SCFD2: variants seen among roughly 807,000 people sequenced by gnomAD.
SCFD2 encodes the protein sec1 family domain containing 2.
A neutral mutation model predicts 58.9 loss-of-function variants in SCFD2; 54 were observed. That is an observed-to-expected ratio of 0.92 (90% CI 0.74 to 1.15). The LOEUF (loss-of-function observed/expected upper bound fraction) is 1.15. Ranked by LOEUF, SCFD2 falls within the 50% of genes most tolerant of loss-of-function variation. The pLI is 0.00. For missense variants in SCFD2, 805 were observed against 836.6 expected (o/e 0.96, Z 0.47); for synonymous variants, 321 against 335.9 (o/e 0.96, Z 0.49).
intron 4 of SCFD2, among the ~76,000 whole-genome samples, chr4:53,253,892 TAA>T (rs546125555): frequency 1.0e-4 from 11 of 109,818 alleles, no homozygotes; most frequent in East Asian, 2.4e-4. Context: ...AGTATAATTA[TAA>T]AAAAAAAAAA....
chr4:53,053,684 A>G (rs1424203244), intron 5 of SCFD2, among the ~76,000 whole-genome samples: 1 of 152,130 alleles, frequency 6.6e-6, no homozygotes, highest in South Asian at 2.1e-4. Context: ...CTCTGCCTAG[A>G]GAGGACTCGG....
chr4:53,024,494 G>A (rs1722424026), intron 5 of SCFD2, among the ~76,000 whole-genome samples: 1 of 152,174 alleles, frequency 6.6e-6, no homozygotes, highest in African/African-American at 2.4e-5. Flanking sequence ...ATAGTTGAAT[G>A]AATAGTTGCA....
chr4:53,176,463 C>T (rs1727333289), intron 4 of SCFD2, among the ~76,000 whole-genome samples: 1 of 152,172 alleles, frequency 6.6e-6, no homozygotes. Flanking sequence ...GACAACTTAG[C>T]CAACACAGAA....
At chr4:53,128,691 A>C (rs1560348278) in intron 5 of SCFD2, among the ~76,000 whole-genome samples, 1 of 152,348 alleles carries the variant, frequency 6.6e-6, no homozygotes, top group East Asian at 1.9e-4. Context: ...TGGGAACAAA[A>C]TTTAAAGCAT....
chr4:53,151,022 G>A (rs1225378426), intron 4 of SCFD2, among the ~76,000 whole-genome samples: 1 of 152,078 alleles, frequency 6.6e-6, no homozygotes, highest in Non-Finnish European at 1.5e-5. Context: ...TTACTACCAC[G>A]ACTCCCACCT....
intron 5 of SCFD2, among the ~76,000 whole-genome samples, chr4:53,120,050 C>T (rs7684453): frequency 0.67 from 102,152 of 152,056 alleles, 34,625 homozygotes; most frequent in East Asian, 0.72. Context: ...AACTCAATCA[C>T]ACACTAATGG....
chr4:53,113,791 G>A (rs1364736989), intron 5 of SCFD2, among the ~76,000 whole-genome samples: 1 of 145,290 alleles, frequency 6.9e-6, no homozygotes, highest in Non-Finnish European at 1.5e-5. Flanking sequence ...TTTATAAAGT[G>A]GCTGGAATAA....
chr4:53,008,183 A>C (rs773451606), intron 5 of SCFD2, among the ~76,000 whole-genome samples: 2 of 152,216 alleles, frequency 1.3e-5, no homozygotes, highest in Non-Finnish European at 2.9e-5. Context: ...CCATGCAGGA[A>C]GCACTAGAAT....
At chr4:53,313,888 C>G (rs1403725675) in intron 2 of SCFD2, 125 bp from the exon 3 acceptor site, 9 of 745,814 alleles carry the variant, frequency 1.2e-5, no homozygotes, top group Non-Finnish European at 1.9e-5. Context: ...CTGATAGACT[C>G]TAAGTATTAG....
At chr4:53,194,788 A>T (rs1157284028) in intron 4 of SCFD2, among the ~76,000 whole-genome samples, 1 of 152,114 alleles carries the variant, frequency 6.6e-6, no homozygotes, top group South Asian at 2.1e-4. Context: ...TCTGGCACAA[A>T]TCACCCTATA....
intron 5 of SCFD2, among the ~76,000 whole-genome samples, chr4:52,940,714 C>T (rs1720271476): frequency 6.6e-6 from 1 of 152,144 alleles, no homozygotes; most frequent in Admixed American, 6.5e-5. Flanking sequence ...AGGGAACAAT[C>T]TGTTTTGTGG....
At chr4:53,302,375 C>G (rs1448935135) in intron 3 of SCFD2, among the ~76,000 whole-genome samples, 1 of 152,012 alleles carries the variant, frequency 6.6e-6, no homozygotes, top group African/African-American at 2.4e-5. Flanking sequence ...AATAAAATAC[C>G]TAGGAATCCA....
chr4:53,175,864 A>G (rs749767499), intron 4 of SCFD2, among the ~76,000 whole-genome samples: 28 of 152,204 alleles, frequency 1.8e-4, no homozygotes, highest in Admixed American at 6.5e-4. Context: ...TTACAATCCC[A>G]TAACACATAA....
At chr4:52,900,156 A>G (rs1055552483) in intron 7 of SCFD2, among the ~76,000 whole-genome samples, 2 of 152,118 alleles carry the variant, frequency 1.3e-5, no homozygotes, top group African/African-American at 2.4e-5. Context: ...AACTCGTCAA[A>G]GTCATTCTCC....
intron 6 of SCFD2, among the ~76,000 whole-genome samples, chr4:52,913,007 C>T (rs1719521331): frequency 6.6e-6 from 1 of 152,210 alleles, no homozygotes; most frequent in African/African-American, 2.4e-5. Flanking sequence ...TTTTCCTAAT[C>T]AAACACTCTC....
At chr4:53,295,997 A>G (rs1577941020) in intron 3 of SCFD2, among the ~76,000 whole-genome samples, 1 of 152,300 alleles carries the variant, frequency 6.6e-6, no homozygotes, top group African/African-American at 2.4e-5. Flanking sequence ...TGGCTTGATC[A>G]TGGTGGATAA....
chr4:53,200,497 G>A (rs1290007935), intron 4 of SCFD2, among the ~76,000 whole-genome samples: 1 of 152,056 alleles, frequency 6.6e-6, no homozygotes, highest in Admixed American at 6.6e-5. Context: ...GATTTGAAAG[G>A]AAAATATAAG....
At chr4:53,096,382 G>C (rs1577723148) in intron 5 of SCFD2, among the ~76,000 whole-genome samples, 1 of 152,294 alleles carries the variant, frequency 6.6e-6, no homozygotes, top group East Asian at 1.9e-4. Flanking sequence ...AGCACCTGTT[G>C]TTTCCTGACT....
intron 4 of SCFD2, among the ~76,000 whole-genome samples, chr4:53,191,802 CA>C (rs1727922241): frequency 1.3e-5 from 2 of 152,174 alleles, no homozygotes; most frequent in South Asian, 4.1e-4. Flanking sequence ...ATTGGAAAAA[CA>C]GAAAGCACCA....
Sources: gnomAD v4.1 joint callset for allele counts (sites outside exome capture counted in the v4.1 genomes callset) on GRCh38, gnomAD v4.1.1 for gene constraint, MANE v1.5 for transcripts, NCBI Gene and HGNC (gene_info 2026-07-23, HGNC 2026-07-21) for gene names.